Variants in PROX2 observed in about 807,000 individuals in gnomAD.
The protein encoded by PROX2 is prospero homeobox 2, also known as prospero homeobox protein 2.
A neutral mutation model predicts 48.9 loss-of-function variants in PROX2; 46 were observed. The observed-to-expected ratio is 0.94, with a 90% CI of 0.74 to 1.20. The LOEUF is 1.20. PROX2 is among the 50% of genes most tolerant of loss of function. The pLI is 0.00. For synonymous variants in PROX2, 260 were observed against 276.6 expected (o/e 0.94, Z 0.60); for missense variants, 663 against 719.4 (o/e 0.92, Z 0.90).
At chr14:74,874,398 G>A (rs188212471) in intron 1 of PROX2, 230 of 215,738 alleles carry the variant, frequency 1.1e-3, no homozygotes, top group African/African-American at 5.1e-3. Flanking sequence ...GATTACAGGC[G>A]CCCACCACCG....
At chr14:74,870,611 A>G (rs147286915) in intron 2 of PROX2, among the ~76,000 whole-genome samples, 122 of 152,218 alleles carry the variant, frequency 8.0e-4, no homozygotes, top group African/African-American at 2.9e-3. Context: ...TTTTGTAATG[A>G]AAAAAGGCAA....
chr14:74,866,239 C>T (rs1883059350), intron 2 of PROX2, among the ~76,000 whole-genome samples: 1 of 152,194 alleles, frequency 6.6e-6, no homozygotes, highest in Non-Finnish European at 1.5e-5. Context: ...GCCTGGGTGA[C>T]ACAGCAAGAC....
intron 1 of PROX2, among the ~76,000 whole-genome samples, chr14:74,874,629 A>G (rs1476239371): frequency 6.6e-6 from 1 of 152,212 alleles, no homozygotes; most frequent in Non-Finnish European, 1.5e-5. Flanking sequence ...CCCCCAAAAC[A>G]AAAGTAGTTT....
At chr14:74,861,544 T>C (rs2359240) in intron 3 of PROX2, among the ~76,000 whole-genome samples, 98,546 of 152,122 alleles carry the variant, frequency 0.65, 33,883 homozygotes, top group African/African-American at 0.9. Flanking sequence ...AAGAGAGTAG[T>C]GTCTACTTAA....
At chr14:74,870,196 G>A (rs1883174969) in intron 2 of PROX2, among the ~76,000 whole-genome samples, 1 of 151,886 alleles carries the variant, frequency 6.6e-6, no homozygotes, top group African/African-American at 2.4e-5. Flanking sequence ...GGAGGCTAAG[G>A]TGGGAGGATT....
chr14:74,855,250 C>T lies in PROX2; in HGVS notation c.1661G>A (p.Arg554Lys). The T allele has an allele frequency of 6.3e-7, 1 of 1,583,364 alleles. No homozygotes were observed. The highest frequency in any genetic ancestry group is 8.6e-7 in the Non-Finnish European group (1 of 1,159,444). Reference sequence around the variant, plus strand: ...TGAGTCTCTCCCTGCGGAGACAGCCCTGAAGAACTCCTGTAACGTCAAGCT... The same window carrying T: ...TGAGTCTCTCCCTGCGGAGACAGCCTTGAAGAACTCCTGTAACGTCAAGCT... ...IASLTLQEFF[R>K]AVSAGRDSDP... Residue 554 changes from arginine (R) to lysine (K), a missense_variant, in exon 6 of 6, where the codon AGG becomes AAG. Transcript: ENST00000556489.
chr14:74,855,011 T>C lies in PROX2; in HGVS notation c.*121A>G, dbSNP rs61978928. On this transcript the variant is annotated 3_prime_UTR_variant, in exon 6 of 6. Transcript: ENST00000556489. ...GATCAAAATGGTAATAGTACCTGTT[T>C]TGATAGAGGAGATTTCCTTGTGCCC... 173,083 of 548,134 alleles carry C rather than the reference T, an allele frequency of 0.32. 28,167 individuals carry two copies. Among genetic ancestry groups the C allele is most frequent in the African/African-American group, 0.35 (18,500 of 52,768 alleles). The allele number at this position is 548,134 out of a possible 1,614,324, so 34.0% of individuals were successfully genotyped here.
chr14:74,862,925 A>C lies in PROX2; in HGVS notation c.910T>G (p.Ser304Ala), dbSNP rs750637858. Residue 304 changes from serine to alanine, a missense_variant, in exon 3 of 6, where the codon TCA becomes GCA. By Grantham distance (99) the Ser-to-Ala change is moderately conservative (BLOSUM62 1). Coordinates refer to ENST00000556489, the MANE Select transcript of PROX2 (RefSeq NM_001243007.2). ...LQAGVPVGNL[S>A]LAKRLDSPRY... is the part of the protein sequence containing the mutation. ...GGAGAATCTAGACGCTTGGCCAGTGATAAATTTCCTACTGGGACCCCAGCT... is the reference window on the plus strand; with the variant it reads ...GGAGAATCTAGACGCTTGGCCAGTGCTAAATTTCCTACTGGGACCCCAGCT... 6.2e-7 allele frequency: 1 copy of C among 1,613,968 alleles called. No individual in the cohort carries two copies. Among genetic ancestry groups the C allele is most frequent in the Admixed American group, 1.7e-5 (1 of 60,028 alleles).
In PROX2 at chr14:74,855,134, ACTGGGGATAG is replaced by A; in HGVS notation, c.1767_1776del (p.Tyr590SerfsTer13). 6.4e-7 allele frequency: 1 copy of A among 1,553,472 alleles called. No individual in the cohort carries two copies. On this transcript the variant is annotated frameshift_variant, in exon 6 of 6. Transcript: ENST00000556489. LOFTEE classifies it high-confidence loss of function. ...GTGGGATCTTAACCCCGAAACAGCT[ACTGGGGATAG>A]CTGGAAGATTTGAATATCTCTGGGA...
At chr14:74,856,733 T>C (rs1007870127) in intron 5 of PROX2, 68 bp downstream of exon 5, 49 of 1,394,516 alleles carry the variant, frequency 3.5e-5, no homozygotes, top group Middle Eastern at 1.8e-4. Flanking sequence ...GAGGGATCTT[T>C]CCTAAAACTC....
In PROX2 at chr14:74,862,954, A is replaced by T; in HGVS notation, c.881T>A (p.Leu294Gln). The change falls in exon 3 of 6, where the codon CTA becomes CAA. Residue 294 changes from leucine (L) to glutamine (Q), a missense_variant. Physicochemically the swap from Leu to Gln is moderately radical, Grantham distance 113. Coordinates refer to ENST00000556489, the MANE Select transcript of PROX2 (RefSeq NM_001243007.2). ...ALAALPRRVQ[L>Q]QAGVPVGNLS... ...ATTTCCTACTGGGACCCCAGCTTGTAGCTGGACCCTCCTGGGCAAGGCAGC... is the reference window on the plus strand; with the variant it reads ...ATTTCCTACTGGGACCCCAGCTTGTTGCTGGACCCTCCTGGGCAAGGCAGC... 1 of 1,613,938 alleles carries T rather than the reference A, an allele frequency of 6.2e-7. No individual in the cohort carries two copies. The highest frequency in any genetic ancestry group is 2.2e-5 in the East Asian group (1 of 44,874).
chr14:74,863,099 G>C lies in PROX2; in HGVS notation c.736C>G (p.Leu246Val), dbSNP rs757861579. ...GTCAGGTGGCCTGGTGGATCCAATA[G>C]TACCTTTTGTAATACCGAGTCCACA... ...QAVDSVLQKV[L>V]LDPPGHLTQL... Residue 246 changes from leucine (L) to valine (V), a missense_variant, in exon 3 of 6, where the codon CTA becomes GTA. Leu to Val is a conservative substitution (Grantham distance 32). Transcript: ENST00000556489. The C allele has an allele frequency of 4.3e-6, 7 of 1,613,992 alleles. No individual in the cohort carries two copies. Among genetic ancestry groups the C allele is most frequent in the Non-Finnish European group, 5.9e-6 (7 of 1,179,880 alleles).
intron 4 of PROX2, chr14:74,857,214 CT>C (rs1343935057): frequency 1.8e-4 from 83 of 457,108 alleles, no homozygotes; most frequent in East Asian, 2.9e-4. Flanking sequence ...TAGAACATAA[CT>C]TTTTTTTGAT....
chr14:74,860,308 GACTAT>G (rs1404391180), intron 3 of PROX2, among the ~76,000 whole-genome samples: 1 of 152,122 alleles, frequency 6.6e-6, no homozygotes, highest in Non-Finnish European at 1.5e-5. Flanking sequence ...CAGAACGTAT[GACTAT>G]ACTAAGTGGG....
rs1202949099 is a variant in PROX2, at chr14:74,854,310, G to T, written c.*822C>A. 3 of 439,624 alleles carry T rather than the reference G, an allele frequency of 6.8e-6. No individual in the cohort carries two copies. The highest frequency in any genetic ancestry group is 1.4e-5 in the Non-Finnish European group (3 of 220,532). 27.2% of individuals were successfully genotyped at this position (439,624 alleles called of 1,614,324 possible). A position where few individuals can be genotyped will look rare whatever the true frequency, so the allele number is the denominator to read the frequency against. ...CCTGCATAAAGTTTGTCTTGAGTTT[G>T]CTGAAATGATCAGCAGAAATCTTGG... On this transcript the variant is annotated 3_prime_UTR_variant, in exon 6 of 6. Transcript: ENST00000556489.
chr14:74,860,288 AT>A (rs2091784228), intron 3 of PROX2, among the ~76,000 whole-genome samples: 1 of 152,180 alleles, frequency 6.6e-6, no homozygotes, highest in Non-Finnish European at 1.5e-5. Context: ...ATACATTAAC[AT>A]TTCTGCAGCA....
At chr14:74,866,121 G>T (rs1001822987) in intron 2 of PROX2, among the ~76,000 whole-genome samples, 4 of 151,886 alleles carry the variant, frequency 2.6e-5, no homozygotes, top group Admixed American at 2.0e-4. Context: ...AGCCGAGTGT[G>T]GTGGCGGGCA....
At chr14:74,870,090 C>T (rs1883172563) in intron 2 of PROX2, among the ~76,000 whole-genome samples, 1 of 151,326 alleles carries the variant, frequency 6.6e-6, no homozygotes, top group Admixed American at 6.6e-5. Flanking sequence ...TTTTATAAAA[C>T]TGGAGTGGGG....
At position 74,858,512 on chromosome 14, in the gene PROX2, G is replaced by C; in HGVS notation, c.1308C>G (p.Ile436Met). 6.5e-7 allele frequency: 1 copy of C among 1,538,028 alleles called. No individual in the cohort carries two copies. Residue 436 changes from isoleucine (I) to methionine (M), a missense_variant and splice_region_variant, in exon 4 of 6, where the codon ATC becomes ATG. Transcript: ENST00000556489. ...AGTGACCAGGGTTTAGACCCTCCTGGATTTATCTCAGTGTCAAGGAAAATG... is the reference window on the plus strand; with the variant it reads ...AGTGACCAGGGTTTAGACCCTCCTGCATTTATCTCAGTGTCAAGGAAAATG... ...MEALPFSLVHIQEGLNPGHLK... is the reference protein window; with the variant it reads ...MEALPFSLVHMQEGLNPGHLK...
Sources: allele counts gnomAD v4.1 joint callset (sites outside exome capture counted in the v4.1 genomes callset), GRCh38; gene constraint gnomAD v4.1.1; transcripts MANE v1.5; gene names NCBI Gene and HGNC (gene_info 2026-07-23, HGNC 2026-07-21).